PARD3B: variants seen among roughly 807,000 people sequenced by gnomAD.
PARD3B encodes the protein partitioning defective 3 homolog B.
Under a neutral mutation model 130.2 loss-of-function variants are expected in PARD3B, and 103 were observed. That is an observed-to-expected ratio of 0.79 (90% confidence interval 0.67 to 0.93). The LOEUF is 0.93. PARD3B is among the 40% of genes least tolerant of loss of function. PARD3B has a pLI of 0.00. For missense variants in PARD3B, 1,609 were observed against 1,499.2 expected, an observed-to-expected ratio of 1.07 and a Z score of -1.21; for synonymous variants, 583 against 553.2, an observed-to-expected ratio of 1.05 and a Z score of -0.76.
At chr2:205,468,267 C>T (rs748425976) in intron 20 of PARD3B, among the ~76,000 whole-genome samples, 5 of 152,170 alleles carry the variant, frequency 3.3e-5, no homozygotes, top group Non-Finnish European at 4.4e-5. Flanking sequence ...AATACCAGTG[C>T]GATTCTCATT....
At chr2:205,337,581 T>G (rs1370394593) in intron 18 of PARD3B, among the ~76,000 whole-genome samples, 3 of 152,244 alleles carry the variant, frequency 2.0e-5, no homozygotes, top group African/African-American at 4.8e-5. Context: ...ATTACTCTGC[T>G]GAGAGTACTA....
rs142910316 is a variant in PARD3B, at chr2:205,211,339, G to A, written c.2140+18019G>A. On this transcript the variant is annotated intron_variant, in intron 15 of 22. Transcript: ENST00000406610. ...ATACATACAATAGATGTATGGATGC[G>A]AAAGTCATCCATACATCTATTCCCT... Among the ~76,000 whole-genome samples, 561 of 152,018 alleles carry A rather than the reference G, an allele frequency of 3.7e-3. 4 individuals carry two copies. The highest frequency in any genetic ancestry group is 8.3e-3 in the South Asian group (40 of 4,816).
At chr2:205,491,536 TAG>T (rs995814173) in intron 20 of PARD3B, among the ~76,000 whole-genome samples, 1 of 152,188 alleles carries the variant, frequency 6.6e-6, no homozygotes, top group South Asian at 2.1e-4. Flanking sequence ...TGAAGTCAGG[TAG>T]TGTGATGCCT....
At chr2:205,297,054 G>C (rs2041824463) in intron 16 of PARD3B, among the ~76,000 whole-genome samples, 1 of 151,892 alleles carries the variant, frequency 6.6e-6, no homozygotes, top group African/African-American at 2.4e-5. Flanking sequence ...TGTGTATGTT[G>C]AGCTCATGTT....
chr2:204,831,961 G>T (rs971986183), intron 2 of PARD3B, among the ~76,000 whole-genome samples: 4 of 152,066 alleles, frequency 2.6e-5, no homozygotes, highest in African/African-American at 9.7e-5. Context: ...AGATATCCAC[G>T]CCTGTAATCC....
chr2:205,570,601 A>G (rs955135204), intron 22 of PARD3B, among the ~76,000 whole-genome samples: 2 of 152,164 alleles, frequency 1.3e-5, no homozygotes, highest in African/African-American at 2.4e-5. Flanking sequence ...GTCTGCTTTT[A>G]AAGAGAACAA....
chr2:204,590,542 A>G (rs2033031359), intron 1 of PARD3B, among the ~76,000 whole-genome samples: 1 of 152,196 alleles, frequency 6.6e-6, no homozygotes, highest in South Asian at 2.1e-4. Context: ...GCATATGGCA[A>G]GTGAGATTCT....
chr2:204,976,431 T>C (rs1692158190), intron 3 of PARD3B, among the ~76,000 whole-genome samples: 1 of 152,084 alleles, frequency 6.6e-6, no homozygotes, highest in Admixed American at 6.6e-5. Flanking sequence ...AATTGGATAG[T>C]CGCAAGCAGT....
Position 204,545,918 on chromosome 2 carries a change from G to A in PARD3B, c.-82G>A, listed in dbSNP as rs988992194. On this transcript the variant is annotated 5_prime_UTR_variant, in exon 1 of 23. Coordinates refer to ENST00000406610, the MANE Select transcript of PARD3B (RefSeq NM_001302769.2). The stretch of plus-strand genomic sequence containing the variant: ...CCGGGTCTCTGGGCCCACCCGCCCC[G>A]GGCGTCCTCCGAGAGTGGGGGCTGC... 27 of 1,406,070 alleles carry A rather than the reference G, an allele frequency of 1.9e-5. No individual in the cohort carries two copies. Among genetic ancestry groups the A allele is most frequent in the African/African-American group, 3.0e-5 (2 of 65,806 alleles). The allele number at this position is 1,406,070 out of a possible 1,614,324, so 87.1% of individuals were successfully genotyped here.
At position 204,764,715 on chromosome 2, in the gene PARD3B, C is replaced by CATGTGTGTGTGTGTGTGTGTGT. The variant is rs60298501; in HGVS notation, c.222+78433_222+78434insATGTGTGTGTGTGTGTGTGTGT. Among the ~76,000 whole-genome samples the CATGTGTGTGTGTGTGTGTGTGT allele has an allele frequency of 1.2e-3, 172 of 145,752 alleles. 1 individual carries two copies. Among genetic ancestry groups the CATGTGTGTGTGTGTGTGTGTGT allele is most frequent in the African/African-American group, 4.3e-3 (170 of 39,604 alleles). ...CAGCAGGCTGAATCTGGCATGCATGCGTGTGTGTGTGTGTGTGTGTGTGTG... is the reference window on the plus strand; with the variant it reads ...CAGCAGGCTGAATCTGGCATGCATGCATGTGTGTGTGTGTGTGTGTGTGTGTGTGTGTGTGTGTGTGTGTGTG... On this transcript the variant is annotated intron_variant, in intron 2 of 22. Transcript: ENST00000406610.
intron 18 of PARD3B, among the ~76,000 whole-genome samples, chr2:205,353,334 T>G (rs1205351012): frequency 6.6e-6 from 1 of 152,202 alleles, no homozygotes; most frequent in Non-Finnish European, 1.5e-5. Context: ...AGTGCATTAG[T>G]ACCGCTCCAT....
chr2:205,009,893 T>G (rs1695579681), intron 3 of PARD3B, among the ~76,000 whole-genome samples: 1 of 152,180 alleles, frequency 6.6e-6, no homozygotes, highest in African/African-American at 2.4e-5. Context: ...TAAGTTCAGA[T>G]TAAATATGTT....
intron 2 of PARD3B, among the ~76,000 whole-genome samples, chr2:204,806,989 C>T (rs2042789430): frequency 6.6e-6 from 1 of 152,084 alleles, no homozygotes; most frequent in African/African-American, 2.4e-5. Context: ...ACTCACAGTT[C>T]TATATGTCTG....
At position 204,799,223 on chromosome 2, in the gene PARD3B, G is replaced by A. The variant is rs376664567; in HGVS notation, c.222+112941G>A. Among the ~76,000 whole-genome samples the A allele has an allele frequency of 1.3e-5, 2 of 152,172 alleles. No homozygotes were observed. Among genetic ancestry groups the A allele is most frequent in the Non-Finnish European group, 2.9e-5 (2 of 68,030 alleles). ...CATGGGCCTCGAGGGAACATCTGCA[G>A]TAGCCAGGCAGTACTTGCCCTGGGC... is the stretch of plus-strand genomic sequence containing the variant. On this transcript the variant is annotated intron_variant, in intron 2 of 22. Transcript: ENST00000406610. This position sits in a 1 kb window ranked among gnomAD's most constrained non-coding sequence, Gnocchi z 4.1.
rs539198376 is a variant in PARD3B at position 205,592,443 on chromosome 2, A to G, written c.3261-23013A>G. Among the ~76,000 whole-genome samples the G allele has an allele frequency of 5.3e-5, 8 of 152,252 alleles. 1 individual carries two copies. The highest frequency in any genetic ancestry group is 1.9e-4 in the African/African-American group (8 of 41,544). ...GAATCTCCAGCGAACATCCACTAAT[A>G]AACTTTATATTGGGTGCCTACCATG... On this transcript the variant is annotated intron_variant, in intron 22 of 22. Transcript: ENST00000406610. This position sits in a 1 kb window ranked among gnomAD's most constrained non-coding sequence, Gnocchi z 4.5.
chr2:204,817,526 G>T (rs541511105), intron 2 of PARD3B, among the ~76,000 whole-genome samples: 4 of 152,202 alleles, frequency 2.6e-5, no homozygotes, highest in African/African-American at 9.6e-5. Context: ...TTGGGAAGAA[G>T]CACTCCTCGG....
intron 2 of PARD3B, among the ~76,000 whole-genome samples, chr2:204,753,725 C>T (rs2040554927): frequency 6.6e-6 from 1 of 152,020 alleles, no homozygotes; most frequent in South Asian, 2.1e-4. Flanking sequence ...ATTCTCTTGT[C>T]ACAAAGCAGC....
intron 18 of PARD3B, among the ~76,000 whole-genome samples, chr2:205,310,213 T>C (rs775092752): frequency 6.6e-6 from 1 of 151,482 alleles, no homozygotes; most frequent in Non-Finnish European, 1.5e-5. Flanking sequence ...GCCTCCCAAG[T>C]AGCTGGGACT....
At chr2:205,499,075 T>A (rs1017110088) in intron 20 of PARD3B, among the ~76,000 whole-genome samples, 1 of 152,186 alleles carries the variant, frequency 6.6e-6, no homozygotes, top group Non-Finnish European at 1.5e-5. Flanking sequence ...GTAGAATGGC[T>A]GTTCAGATCT....
Sources: allele counts gnomAD v4.1 joint callset (sites outside exome capture counted in the v4.1 genomes callset), GRCh38; gene constraint gnomAD v4.1.1; non-coding constraint Gnocchi (gnomAD v3.1); transcripts MANE v1.5; gene names NCBI Gene and HGNC (gene_info 2026-07-23, HGNC 2026-07-21).